NAALADL2: variants seen among roughly 807,000 people sequenced by gnomAD.
NAALADL2 encodes inactive N-acetylated-alpha-linked acidic dipeptidase-like protein 2.
Under a neutral mutation model 87.2 loss-of-function variants are expected in NAALADL2, and 76 were observed. The observed-to-expected ratio is 0.87, with a 90% CI of 0.72 to 1.05. The LOEUF is 1.05. Among genes scored for constraint, NAALADL2 ranks in the 50% least tolerant of loss-of-function variants. The pLI, the probability that NAALADL2 is intolerant of heterozygous loss-of-function variation, is 0.00. For synonymous variants in NAALADL2, 354 were observed against 331.0 expected (o/e 1.07, Z -0.75); for missense variants, 1,089 against 945.8 (o/e 1.15, Z -1.99).
intron 3 of NAALADL2, among the ~76,000 whole-genome samples, chr3:174,768,909 C>T (rs1714186936): frequency 6.6e-6 from 1 of 151,646 alleles, no homozygotes. Context: ...CAATTTAATG[C>T]TATTATACAT....
chr3:175,051,511 T>C (rs1755387978), intron 1 of NAALADL2, among the ~76,000 whole-genome samples: 1 of 152,174 alleles, frequency 6.6e-6, no homozygotes, highest in African/African-American at 2.4e-5. Context: ...TCACAGGTAG[T>C]CCCCTGTTCC....
Position 175,466,990 on chromosome 3 carries a change from A to C in NAALADL2, c.1339A>C (p.Ile447Leu). 6.2e-7 allele frequency: 1 copy of C among 1,612,988 alleles called. No homozygotes were observed. Residue 447 changes from isoleucine (I) to leucine (L), a missense_variant, in exon 8 of 14, where the codon ATA becomes CTA. Transcript: ENST00000454872. ...CTTTCTATTTTCAGACCGGTATATC[A>C]TAGTTGGCAGCCATCATCACACTGC... Reference protein sequence around the residue: ...MGLTSPDRYIIVGSHHHTAHS... With the variant: ...MGLTSPDRYILVGSHHHTAHS...
chr3:175,273,274 T>C (rs949806457), intron 4 of NAALADL2, among the ~76,000 whole-genome samples: 2 of 152,104 alleles, frequency 1.3e-5, no homozygotes, highest in Non-Finnish European at 2.9e-5. Flanking sequence ...TCTCTTACAA[T>C]TTATCTCCAC....
intron 1 of NAALADL2, among the ~76,000 whole-genome samples, chr3:174,512,959 A>ATTTT (rs775660030): frequency 7.3e-6 from 1 of 137,674 alleles, no homozygotes. Context: ...AATAAGCTTG[A>ATTTT]TTTTTTTTTT....
chr3:174,779,056 T>C lies in NAALADL2; in HGVS notation c.-9+41310T>C, dbSNP rs184786454. Among the ~76,000 whole-genome samples, 31 of 152,340 alleles carry C rather than the reference T, an allele frequency of 2.0e-4. No homozygotes were observed. In the East Asian group the frequency reaches 5.8e-3, roughly 28 times the overall value. Reference sequence around the variant, plus strand: ...CTAGATCCTTGAGGAATTGCCACACTGTCTTCCACAATGGTTGAACTAATT... The same window carrying C: ...CTAGATCCTTGAGGAATTGCCACACCGTCTTCCACAATGGTTGAACTAATT... On this transcript the variant is annotated intron_variant, in intron 3 of 3. Coordinates refer to the NAALADL2 transcript ENST00000434257.
chr3:175,065,919 A>C (rs1714452109), intron 1 of NAALADL2, among the ~76,000 whole-genome samples: 1 of 152,236 alleles, frequency 6.6e-6, no homozygotes, highest in South Asian at 2.1e-4. Context: ...TGAATCAAGA[A>C]GGTCAGAGAC....
chr3:175,793,647 T>C (rs1184990822), intron 13 of NAALADL2, among the ~76,000 whole-genome samples: 1 of 152,030 alleles, frequency 6.6e-6, no homozygotes, highest in Non-Finnish European at 1.5e-5. Flanking sequence ...CTAATATAAA[T>C]ATAGAATAAA....
rs577744515 is a variant in NAALADL2, at chr3:175,604,607, A to T, written c.1801-22684A>T. Among the ~76,000 whole-genome samples the T allele has an allele frequency of 3.3e-5, 5 of 152,090 alleles. No individual in the cohort carries two copies. The East Asian group carries it at 9.7e-4, about 30-fold the overall frequency. ...GCGTGAGGCACCACGCCCAGCCGAA[A>T]TTTTTTTAAAGTCTTCCCATTTCTT... On this transcript the variant is annotated intron_variant, in intron 10 of 13. Transcript: ENST00000454872.
chr3:175,632,102 T>C (rs1003901450), intron 11 of NAALADL2, among the ~76,000 whole-genome samples: 1 of 152,030 alleles, frequency 6.6e-6, no homozygotes, highest in African/African-American at 2.4e-5. Flanking sequence ...TTTGGGTCTG[T>C]GTCCCCACCC....
At chr3:174,925,198 T>C (rs1026675645) in intron 1 of NAALADL2, among the ~76,000 whole-genome samples, 1 of 152,178 alleles carries the variant, frequency 6.6e-6, no homozygotes, top group African/African-American at 2.4e-5. Context: ...GTTTTTATGG[T>C]TTTAGGTCTA....
intron 2 of NAALADL2, among the ~76,000 whole-genome samples, chr3:174,715,527 C>A (rs1019143872): frequency 1.3e-5 from 2 of 152,132 alleles, no homozygotes; most frequent in Non-Finnish European, 2.9e-5. Flanking sequence ...TAGGCATTCT[C>A]ACATTTCACT....
chr3:175,486,995 C>G (rs1484927599), intron 9 of NAALADL2, among the ~76,000 whole-genome samples: 1 of 152,122 alleles, frequency 6.6e-6, no homozygotes, highest in Admixed American at 6.6e-5. Flanking sequence ...CCCATACAAC[C>G]CATTCTCAGC....
chr3:174,957,303 A>G (rs1191952404), intron 1 of NAALADL2, among the ~76,000 whole-genome samples: 2 of 151,980 alleles, frequency 1.3e-5, no homozygotes, highest in Admixed American at 1.3e-4. Flanking sequence ...GTCAGAAGGA[A>G]GAAAGGAGAA....
intron 1 of NAALADL2, among the ~76,000 whole-genome samples, chr3:175,096,290 C>A (rs980306171): frequency 1.3e-5 from 2 of 152,092 alleles, no homozygotes; most frequent in Non-Finnish European, 2.9e-5. Context: ...TTAAGACAAG[C>A]TCTGGCAATG....
intron 3 of NAALADL2, among the ~76,000 whole-genome samples, chr3:174,807,373 T>C (rs1719631064): frequency 2.0e-5 from 3 of 152,138 alleles, no homozygotes; most frequent in Admixed American, 1.3e-4. Context: ...TGCTTCTTGC[T>C]CATACGATGC....
intron 1 of NAALADL2, among the ~76,000 whole-genome samples, chr3:175,063,704 A>G (rs1001069039): frequency 4.0e-5 from 6 of 151,688 alleles, no homozygotes; most frequent in Admixed American, 3.9e-4. Flanking sequence ...GCTAGTCTCA[A>G]ACTCTTAGGC....
At position 174,474,994 on chromosome 3, in the gene NAALADL2, A is replaced by G. The variant is rs180845723; in HGVS notation, c.-184+33962A>G. On this transcript the variant is annotated intron_variant, in intron 1 of 3. Coordinates refer to the NAALADL2 transcript ENST00000434257. ...TGATTATATATAATAATATAAAGCTATTTTCAAGGAGACAACTCAGATTTG... is the reference window on the plus strand; with the variant it reads ...TGATTATATATAATAATATAAAGCTGTTTTCAAGGAGACAACTCAGATTTG... Among the ~76,000 whole-genome samples the G allele has an allele frequency of 3.3e-5, 5 of 152,128 alleles. No homozygotes were observed. The East Asian group carries it at 9.7e-4, about 29-fold the overall frequency.
intron 2 of NAALADL2, among the ~76,000 whole-genome samples, chr3:174,705,050 T>A (rs972797742): frequency 6.6e-6 from 1 of 152,104 alleles, no homozygotes; most frequent in Non-Finnish European, 1.5e-5. Flanking sequence ...ATTTACCCAG[T>A]TTTTACAGTT....
intron 2 of NAALADL2, among the ~76,000 whole-genome samples, chr3:174,702,458 G>GGTA (rs1578602630): frequency 6.6e-6 from 1 of 152,190 alleles, no homozygotes; most frequent in East Asian, 1.9e-4. Flanking sequence ...CTCTCAATCA[G>GGTA]CAGGTACAAA....
Sources: gnomAD v4.1 joint callset for allele counts (sites outside exome capture counted in the v4.1 genomes callset) on GRCh38, gnomAD v4.1.1 for gene constraint, MANE v1.5 for transcripts, NCBI Gene and HGNC (gene_info 2026-07-23, HGNC 2026-07-21) for gene names.